Variants in PLK3 observed in about 807,000 individuals in gnomAD.
The protein encoded by PLK3 is serine/threonine-protein kinase PLK3.
In PLK3, 41 loss-of-function variants were observed where a neutral mutation model predicts 71.6. The observed-to-expected ratio is 0.57, with a 90% CI of 0.45 to 0.74. PLK3 has a LOEUF of 0.74. Ranked by LOEUF, PLK3 falls within the 30% of genes least tolerant of loss-of-function variation. PLK3 has a pLI of 0.00. For synonymous variants in PLK3, 366 were observed against 355.4 expected, an observed-to-expected ratio of 1.03 and a Z score of -0.33; for missense variants, 791 against 875.6, an observed-to-expected ratio of 0.90 and a Z score of 1.22.
In PLK3 at chr1:44,803,052, C is replaced by A. The variant is rs17880471; in HGVS notation, c.847C>A (p.Leu283Ile). The A allele has an allele frequency of 6.2e-7, 1 of 1,613,988 alleles. No individual in the cohort carries two copies. ...GGTTCACTACACGCTGCCTGCCAGC[C>A]TCTCACTGCCTGCCCGGCAGCTCCT... ...KQVHYTLPAS[L>I]SLPARQLLAA... The change falls in exon 7 of 15, where the codon CTC (leucine) becomes ATC (isoleucine). Residue 283 changes from leucine (L) to isoleucine (I), a missense_variant. Physicochemically the swap from Leu to Ile is conservative, Grantham distance 5. Transcript: ENST00000372201. This position sits in a 1 kb window ranked among gnomAD's most constrained non-coding sequence, Gnocchi z 4.3.
Position 44,805,349 on chromosome 1 carries a change from C to G in PLK3, c.1719C>G (p.Leu573=). 6.2e-7 allele frequency: 1 copy of G among 1,613,972 alleles called. No homozygotes were observed. The highest frequency in any genetic ancestry group is 8.5e-7 in the Non-Finnish European group (1 of 1,179,882). ...LLQWVKTDQA[L]LMLFSDGTVQ... ...AGTGGGTCAAGACGGATCAGGCTCT[C>G]CTCATGCTGTTTAGTGATGGCACTG... is the stretch of plus-strand genomic sequence containing the variant. Residue 573 remains leucine (L), a synonymous_variant, in exon 14 of 15, where the codon CTC becomes CTG. Coordinates refer to ENST00000372201, the MANE Select transcript of PLK3 (RefSeq NM_004073.4).
Position 44,805,579 on chromosome 1 carries a change from T to A in PLK3, c.1842T>A (p.Thr614=), listed in dbSNP as rs781500461. 29 of 1,614,196 alleles carry A rather than the reference T, an allele frequency of 1.8e-5. No individual in the cohort carries two copies. The highest frequency in any genetic ancestry group is 2.5e-5 in the Non-Finnish European group (29 of 1,180,006). ...TGGCCCGAAATCGTAGTGCTTGTACTTACCTCGCTTCCCACCTTCGGCAGC... is the reference window on the plus strand; with the variant it reads ...TGGCCCGAAATCGTAGTGCTTGTACATACCTCGCTTCCCACCTTCGGCAGC... ...TFVARNRSAC[T]YLASHLRQLG... The change falls in exon 15 of 15, where the codon ACT becomes ACA. Residue 614 remains threonine (T), a synonymous_variant. Coordinates refer to ENST00000372201, the MANE Select transcript of PLK3 (RefSeq NM_004073.4).
rs904244181 is a variant in PLK3, at chr1:44,800,616, C to T, written c.153C>T (p.Arg51=). The T allele has an allele frequency of 9.1e-6, 14 of 1,541,070 alleles. No individual in the cohort carries two copies. Among genetic ancestry groups the T allele is most frequent in the Non-Finnish European group, 1.2e-5 (14 of 1,146,754 alleles). ...LAGLPTSDPG[R]LITDPRSGRT... ...GGCTACCGACGTCAGACCCCGGGCG[C>T]CTCATCACGGACCCGCGCAGCGGCC... Residue 51 remains arginine, a synonymous_variant, in exon 1 of 15, where the codon CGC becomes CGT. Coordinates refer to ENST00000372201, the MANE Select transcript of PLK3 (RefSeq NM_004073.4). This position sits in a 1 kb window ranked among gnomAD's most constrained non-coding sequence, Gnocchi z 6.5.
intron 13 of PLK3, 37 bp from the exon 14 acceptor site, chr1:44,805,229 A>T: frequency 7.2e-7 from 1 of 1,396,154 alleles, no homozygotes; most frequent in Non-Finnish European, 1.0e-6. Flanking sequence ...GGGCTGTCTC[A>T]CGCTGGATCA....
At position 44,804,380 on chromosome 1, in the gene PLK3, G is replaced by A; in HGVS notation, c.1384G>A (p.Val462Met). Residue 462 changes from valine (V) to methionine (M), a missense_variant, in exon 12 of 15, where the codon GTG (valine) becomes ATG (methionine). By Grantham distance (21) the Val-to-Met change is conservative (BLOSUM62 1). Coordinates refer to ENST00000372201, the MANE Select transcript of PLK3 (RefSeq NM_004073.4). The stretch of plus-strand genomic sequence containing the variant: ...CCCCCTGGCCCAGCCAGAGCCTCTG[G>A]TGTGGGTCAGCAAGTGGGTTGACTA... ...PAPLAQPEPL[V>M]WVSKWVDYSN... The A allele has an allele frequency of 6.2e-7, 1 of 1,614,204 alleles. No homozygotes were observed. The highest frequency in any genetic ancestry group is 1.1e-5 in the South Asian group (1 of 91,090).
chr1:44,803,808 T>G lies in PLK3; in HGVS notation c.1164+117T>G, dbSNP rs1179520341. 4 of 1,110,860 alleles carry G rather than the reference T, an allele frequency of 3.6e-6. No individual in the cohort carries two copies. The highest frequency in any genetic ancestry group is 4.0e-6 in the Non-Finnish European group (3 of 747,504). The allele number at this position is 1,110,860 out of a possible 1,614,324, so 68.8% of individuals were successfully genotyped here. On this transcript the variant is annotated intron_variant, in intron 9 of 14. Coordinates refer to ENST00000372201, the MANE Select transcript of PLK3 (RefSeq NM_004073.4). This position sits in a 1 kb window ranked among gnomAD's most constrained non-coding sequence, Gnocchi z 4.3. ...AGCCTCGTGGTGGCCTAATTGGCTG[T>G]GTGTCACCAGCCTGGCGGGGCTGAC...
chr1:44,804,479 A>G lies in PLK3; in HGVS notation c.1483A>G (p.Met495Val). The G allele has an allele frequency of 4.3e-6, 7 of 1,614,194 alleles. No homozygotes were observed. Among genetic ancestry groups the G allele is most frequent in the Non-Finnish European group, 5.1e-6 (6 of 1,180,016 alleles). The change falls in exon 12 of 15, where the codon ATG (methionine) becomes GTG (valine). Residue 495 changes from methionine (M) to valine (V), a missense_variant. By Grantham distance (21) the Met-to-Val change is conservative. Coordinates refer to ENST00000372201, the MANE Select transcript of PLK3 (RefSeq NM_004073.4). ...VAVLFNDGTHMALSANRKTVH... is the reference protein window; with the variant it reads ...VAVLFNDGTHVALSANRKTVH... ...TGTGCTCTTCAACGATGGCACACAT[A>G]TGGCCCTGTCGGCCAACAGAAAGTA...
chr1:44,805,957 G>T lies in PLK3; in HGVS notation c.*279G>T, dbSNP rs745804588. Reference sequence around the variant, plus strand: ...TTATTGGGATGTGAGCCCCAGGGGGGCCTCCTCCTAGGATAATAAACAATT... The same window carrying T: ...TTATTGGGATGTGAGCCCCAGGGGGTCCTCCTCCTAGGATAATAAACAATT... On this transcript the variant is annotated 3_prime_UTR_variant, in exon 15 of 15. Transcript: ENST00000372201. 4 of 1,510,000 alleles carry T rather than the reference G, an allele frequency of 2.6e-6. No individual in the cohort carries two copies. Among genetic ancestry groups the T allele is most frequent in the Non-Finnish European group, 2.7e-6 (3 of 1,129,374 alleles). The allele number at this position is 1,510,000 out of a possible 1,614,324, so 93.5% of individuals were successfully genotyped here. A position where few individuals can be genotyped will look rare whatever the true frequency, so the allele number is the denominator to read the frequency against.
chr1:44,803,656 C>A lies in PLK3; in HGVS notation c.1129C>A (p.Arg377Ser). 1 of 1,613,660 alleles carries A rather than the reference C, an allele frequency of 6.2e-7. No homozygotes were observed. Among genetic ancestry groups the A allele is most frequent in the South Asian group, 1.1e-5 (1 of 91,014 alleles). Residue 377 changes from arginine to serine, a missense_variant, in exon 9 of 15, where the codon CGC becomes AGC. By Grantham distance (110) the Arg-to-Ser change is moderately radical. Transcript: ENST00000372201. The surrounding 1 kb of genome is among the most constrained non-coding windows in gnomAD (Gnocchi z 4.3). Reference protein sequence around the residue: ...EVSGLVSGLMRTSVGHQDARP... With the variant: ...EVSGLVSGLMSTSVGHQDARP... ...CTCCGGTTTGGTGAGCGGCCTCATG[C>A]GCACATCCGTTGGCCATCAGGATGC... is the stretch of plus-strand genomic sequence containing the variant.
intron 3 of PLK3, 104 bp from the exon 4 acceptor site, chr1:44,801,518 T>C (rs905623096): frequency 9.3e-6 from 12 of 1,294,834 alleles, no homozygotes; most frequent in Non-Finnish European, 1.2e-5. Context: ...GAGAAGACAG[T>C]CTTAAGACCC....
rs201492855 is a variant in PLK3, at chr1:44,804,353, G to A, written c.1357G>A (p.Ala453Thr). 4 of 1,613,846 alleles carry A rather than the reference G, an allele frequency of 2.5e-6. No homozygotes were observed. The highest frequency in any genetic ancestry group is 2.7e-5 in the African/African-American group (2 of 74,860). ...AFMPPAEQNP[A>T]PLAQPEPLVW... ...TCCCATGACAGCGGAACAGAACCCG[G>A]CCCCCCTGGCCCAGCCAGAGCCTCT... The change falls in exon 12 of 15, where the codon GCC becomes ACC. Residue 453 changes from alanine (A) to threonine (T), a missense_variant. Coordinates refer to ENST00000372201, the MANE Select transcript of PLK3 (RefSeq NM_004073.4).
chr1:44,803,797 C>G lies in PLK3; in HGVS notation c.1164+106C>G. ...CTGAAGCATCCAGCCTCGTGGTGGC[C>G]TAATTGGCTGTGTGTCACCAGCCTG... On this transcript the variant is annotated intron_variant, in intron 9 of 14. Coordinates refer to ENST00000372201, the MANE Select transcript of PLK3 (RefSeq NM_004073.4). The surrounding 1 kb of genome is among the most constrained non-coding windows in gnomAD (Gnocchi z 4.3). The G allele has an allele frequency of 1.7e-6, 2 of 1,147,642 alleles. No individual in the cohort carries two copies. Among genetic ancestry groups the G allele is most frequent in the Non-Finnish European group, 2.6e-6 (2 of 780,336 alleles). 71.1% of individuals were successfully genotyped at this position (1,147,642 alleles called of 1,614,324 possible).
Position 44,803,021 on chromosome 1 carries a change from C to T in PLK3, c.816C>T (p.Ile272=). The T allele has an allele frequency of 6.2e-7, 1 of 1,614,046 alleles. No homozygotes were observed. Among genetic ancestry groups the T allele is most frequent in the South Asian group, 1.1e-5 (1 of 91,090 alleles). ...TADLKETYRC[I]KQVHYTLPAS... ...ACCTGAAGGAGACGTACCGCTGCAT[C>T]AAGCAGGTTCACTACACGCTGCCTG... The change falls in exon 7 of 15, where the codon ATC becomes ATT. Residue 272 remains isoleucine (I), a synonymous_variant. Coordinates refer to ENST00000372201, the MANE Select transcript of PLK3 (RefSeq NM_004073.4). The surrounding 1 kb of genome is among the most constrained non-coding windows in gnomAD (Gnocchi z 4.3).
intron 10 of PLK3, 28 bp from the exon 11 acceptor site, chr1:44,804,135 C>T (rs1651930183): frequency 6.2e-7 from 1 of 1,605,088 alleles, no homozygotes; most frequent in East Asian, 2.2e-5. Context: ...GTGCTAATTC[C>T]TAAATCTCAG....
chr1:44,800,477 C>A lies in PLK3; in HGVS notation c.14C>A (p.Ala5Asp). The A allele has an allele frequency of 7.0e-7, 1 of 1,424,256 alleles. No individual in the cohort carries two copies. The highest frequency in any genetic ancestry group is 9.1e-7 in the Non-Finnish European group (1 of 1,094,452). 88.2% of individuals were successfully genotyped at this position (1,424,256 alleles called of 1,614,324 possible). A position where few individuals can be genotyped will look rare whatever the true frequency, so the allele number is the denominator to read the frequency against. ...CGCGCCGGCCGCATGGAGCCTGCCG[C>A]CGGTTTCCTGTCTCCGCGCCCCTTC... MEPA[A>D]GFLSPRPFQR... is the part of the protein sequence containing the mutation. Residue 5 changes from alanine to aspartate, a missense_variant, in exon 1 of 15, where the codon GCC (alanine) becomes GAC (aspartate). Coordinates refer to ENST00000372201, the MANE Select transcript of PLK3 (RefSeq NM_004073.4). This position sits in a 1 kb window ranked among gnomAD's most constrained non-coding sequence, Gnocchi z 6.5.
chr1:44,802,746 C>T lies in PLK3; in HGVS notation c.654-14C>T. The T allele has an allele frequency of 6.3e-7, 1 of 1,597,234 alleles. No homozygotes were observed. The highest frequency in any genetic ancestry group is 1.7e-5 in the Admixed American group (1 of 59,978). ...GGGTCTCAGCCTTCTCTCCTCCTCC[C>T]CACCCTCTTTCAGGACCATCTGTGG... On this transcript the variant is annotated splice_polypyrimidine_tract_variant and intron_variant, in intron 5 of 14. Coordinates refer to ENST00000372201, the MANE Select transcript of PLK3 (RefSeq NM_004073.4).
rs1651800435 is a variant in PLK3, at chr1:44,800,753, C to T, written c.210+80C>T. 4 of 1,540,878 alleles carry T rather than the reference C, an allele frequency of 2.6e-6. No homozygotes were observed. The highest frequency in any genetic ancestry group is 3.5e-6 in the Non-Finnish European group (4 of 1,144,218). On this transcript the variant is annotated intron_variant, in intron 1 of 14. Coordinates refer to ENST00000372201, the MANE Select transcript of PLK3 (RefSeq NM_004073.4). The surrounding 1 kb of genome is among the most constrained non-coding windows in gnomAD (Gnocchi z 6.5). ...GCCTCTTTTCTGGCGCCGAGCAGGG[C>T]GTGGGCACTTGACCCCCAACGCGGG...
In PLK3 at chr1:44,801,735, C is replaced by G; in HGVS notation, c.549C>G (p.His183Gln). 6.6e-7 allele frequency: 1 copy of G among 1,523,904 alleles called. No individual in the cohort carries two copies. The highest frequency in any genetic ancestry group is 1.1e-5 in the South Asian group (1 of 89,628). The allele number at this position is 1,523,904 out of a possible 1,614,324, so 94.4% of individuals were successfully genotyped here. A position where few individuals can be genotyped will look rare whatever the true frequency, so the allele number is the denominator to read the frequency against. Residue 183 changes from histidine to glutamine, a missense_variant, in exon 4 of 15, where the codon CAC becomes CAG. Coordinates refer to ENST00000372201, the MANE Select transcript of PLK3 (RefSeq NM_004073.4). ...LKYLHQRGIL[H>Q]RDLKLGNFFI... ...ACTTGCACCAGCGCGGCATCTTGCA[C>G]CGGGACCTCAAGTTGGGTGAGACTC...
In PLK3 at chr1:44,805,351, T is replaced by C. The variant is rs746345980; in HGVS notation, c.1721T>C (p.Leu574Pro). 6.2e-7 allele frequency: 1 copy of C among 1,613,944 alleles called. No individual in the cohort carries two copies. The highest frequency in any genetic ancestry group is 8.5e-7 in the Non-Finnish European group (1 of 1,179,842). The stretch of plus-strand genomic sequence containing the variant: ...TGGGTCAAGACGGATCAGGCTCTCC[T>C]CATGCTGTTTAGTGATGGCACTGTC... ...LQWVKTDQAL[L>P]MLFSDGTVQV... The change falls in exon 14 of 15, where the codon CTC becomes CCC. Residue 574 changes from leucine (L) to proline (P), a missense_variant. Transcript: ENST00000372201.
Sources: gnomAD v4.1 joint callset for allele counts on GRCh38, gnomAD v4.1.1 for gene constraint, Gnocchi (gnomAD v3.1) non-coding constraint, MANE v1.5 for transcripts, NCBI Gene and HGNC (gene_info 2026-07-23, HGNC 2026-07-21) for gene names.